Variants in MDGA2 observed in about 807,000 individuals in gnomAD.
MDGA2 encodes the protein MAM domain containing glycosylphosphatidylinositol anchor 2.
Under a neutral mutation model 117.8 loss-of-function variants are expected in MDGA2, and 40 were observed. The observed-to-expected ratio is 0.34, with a 90% CI of 0.26 to 0.44. MDGA2 has a LOEUF of 0.44. MDGA2 is among the 20% of genes least tolerant of loss of function. MDGA2 has a pLI of 1.00. For missense variants in MDGA2, 1,123 were observed against 1,250.6 expected (o/e 0.90, Z 1.54); for synonymous variants, 452 against 439.0 (o/e 1.03, Z -0.37).
At position 46,874,207 on chromosome 14, in the gene MDGA2, G is replaced by A; in HGVS notation, c.2438-7C>T. On this transcript the variant is annotated splice_polypyrimidine_tract_variant and splice_region_variant and intron_variant, in intron 12 of 16. Coordinates refer to ENST00000399232, the MANE Select transcript of MDGA2 (RefSeq NM_001113498.3). The stretch of plus-strand genomic sequence containing the variant: ...AATCCACAATGAAATTCTCCTGTTG[G>A]TAAATTTTAATTAAATTAATATTAA... 1.5e-6 allele frequency: 2 copies of A among 1,368,788 alleles called. No individual in the cohort carries two copies. The highest frequency in any genetic ancestry group is 1.5e-5 in the African/African-American group (1 of 66,136). 84.8% of individuals were successfully genotyped at this position (1,368,788 alleles called of 1,614,324 possible).
At chr14:46,900,124 C>T (rs4447336) in intron 10 of MDGA2, among the ~76,000 whole-genome samples, 148,200 of 152,232 alleles carry the variant, frequency 0.97, 72,255 homozygotes, top group East Asian at 1. Context: ...GAAATATCAT[C>T]GGGCATTAGA....
intron 1 of MDGA2, among the ~76,000 whole-genome samples, chr14:47,302,853 T>G (rs1347743980): frequency 6.6e-5 from 10 of 152,132 alleles, no homozygotes; most frequent in Admixed American, 5.9e-4. Context: ...TTTCTCAATT[T>G]CAGGCAGAAA....
intron 1 of MDGA2, among the ~76,000 whole-genome samples, chr14:47,542,461 G>A (rs1166929331): frequency 1.3e-5 from 2 of 152,104 alleles, no homozygotes; most frequent in Non-Finnish European, 2.9e-5. Context: ...GAAGCAATTC[G>A]ATGAATCGGT....
intron 1 of MDGA2, among the ~76,000 whole-genome samples, chr14:47,628,045 A>G (rs990981846): frequency 2.0e-5 from 3 of 152,180 alleles, no homozygotes; most frequent in Admixed American, 6.5e-5. Flanking sequence ...ACCACCTGCC[A>G]TAGTTTTGGG....
chr14:47,485,796 C>T (rs1405165418), intron 1 of MDGA2, among the ~76,000 whole-genome samples: 1 of 152,146 alleles, frequency 6.6e-6, no homozygotes, highest in African/African-American at 2.4e-5. Context: ...TTGGCAGCTC[C>T]CACTTAGTGT....
Position 46,953,702 on chromosome 14 carries a change from C to A in MDGA2, c.2089+3672G>T, listed in dbSNP as rs137905907. On this transcript the variant is annotated intron_variant, in intron 9 of 16. Transcript: ENST00000399232. ...TTCAGTAAAAACATAATGTCAGAAA[C>A]AAGTCTGTTAAAGTAAAGAAATATG... 3.4e-4 allele frequency among the ~76,000 whole-genome samples: 52 copies of A among 151,904 alleles called. No individual in the cohort carries two copies. In the East Asian group the frequency reaches 8.3e-3, roughly 24 times the overall value.
intron 1 of MDGA2, among the ~76,000 whole-genome samples, chr14:47,384,834 A>T (rs1427454787): frequency 1.3e-5 from 2 of 152,214 alleles, no homozygotes; most frequent in Non-Finnish European, 2.9e-5. Context: ...CCAGATGAAC[A>T]GAACACTGCA....
At chr14:47,181,751 T>C (rs890889055) in intron 3 of MDGA2, among the ~76,000 whole-genome samples, 1 of 152,202 alleles carries the variant, frequency 6.6e-6, no homozygotes, top group Non-Finnish European at 1.5e-5. Flanking sequence ...TGATTTCTAT[T>C]TTCATATTTT....
rs142708969 is a variant in MDGA2 at position 47,052,835 on chromosome 14, A to G, written c.1525+8414T>C. On this transcript the variant is annotated intron_variant, in intron 7 of 16. Coordinates refer to ENST00000399232, the MANE Select transcript of MDGA2 (RefSeq NM_001113498.3). ...GATGTTCTTCATACCAAAATACTCTATTTAAACTCTGATGACCTCTTATCT... is the reference window on the plus strand; with the variant it reads ...GATGTTCTTCATACCAAAATACTCTGTTTAAACTCTGATGACCTCTTATCT... Among the ~76,000 whole-genome samples, 569 of 151,858 alleles carry G rather than the reference A, an allele frequency of 3.7e-3. 6 individuals are homozygous for G. The highest frequency in any genetic ancestry group is 0.013 in the African/African-American group (543 of 41,512).
At chr14:47,455,228 G>A (rs917608683) in intron 1 of MDGA2, among the ~76,000 whole-genome samples, 4 of 152,124 alleles carry the variant, frequency 2.6e-5, no homozygotes, top group African/African-American at 7.2e-5. Context: ...CATTGCAGTC[G>A]GGTGCGGTGG....
At chr14:47,172,980 G>A (rs970302425) in intron 3 of MDGA2, among the ~76,000 whole-genome samples, 1 of 152,298 alleles carries the variant, frequency 6.6e-6, no homozygotes, top group African/African-American at 2.4e-5. Flanking sequence ...GAAAGCCAAG[G>A]CTCGAGAACT....
intron 1 of MDGA2, among the ~76,000 whole-genome samples, chr14:47,362,155 C>T (rs1891139939): frequency 6.6e-6 from 1 of 152,120 alleles, no homozygotes; most frequent in Admixed American, 6.5e-5. Context: ...TTCATTCTTT[C>T]TCACTCAAAT....
At chr14:46,972,598 C>T (rs960209777) in intron 8 of MDGA2, among the ~76,000 whole-genome samples, 8 of 151,906 alleles carry the variant, frequency 5.3e-5, no homozygotes, top group African/African-American at 1.9e-4. Flanking sequence ...TTCAAGCAAC[C>T]CACACATTCC....
intron 15 of MDGA2, among the ~76,000 whole-genome samples, chr14:46,850,701 T>C (rs1881023749): frequency 6.6e-6 from 1 of 151,948 alleles, no homozygotes; most frequent in African/African-American, 2.4e-5. Flanking sequence ...GTGGGTAGCC[T>C]TGGCTTTTTC....
At chr14:47,378,672 G>A (rs1047743532) in intron 1 of MDGA2, among the ~76,000 whole-genome samples, 5 of 152,028 alleles carry the variant, frequency 3.3e-5, no homozygotes, top group Admixed American at 1.3e-4. Flanking sequence ...AGAGAAAAAA[G>A]ACTAAAAAAA....
intron 2 of MDGA2, among the ~76,000 whole-genome samples, chr14:47,244,114 C>A (rs989176855): frequency 2.6e-5 from 4 of 151,702 alleles, no homozygotes; most frequent in Non-Finnish European, 5.9e-5. Context: ...GACAAACTTA[C>A]CTGTTTTGTT....
chr14:47,521,725 G>A (rs1386131119), intron 1 of MDGA2, among the ~76,000 whole-genome samples: 4 of 152,146 alleles, frequency 2.6e-5, no homozygotes, highest in Non-Finnish European at 4.4e-5. Context: ...AGGCTGGAGT[G>A]CAATGGCACG....
intron 1 of MDGA2, among the ~76,000 whole-genome samples, chr14:47,409,937 C>CA (rs1275947867): frequency 1.3e-5 from 2 of 152,022 alleles, no homozygotes; most frequent in African/African-American, 4.8e-5. Context: ...GAGTAAAGTG[C>CA]AAAAAACTTT....
At chr14:46,845,355 C>G (rs3007129) in intron 16 of MDGA2, among the ~76,000 whole-genome samples, 106,339 of 152,084 alleles carry the variant, frequency 0.7, 38,983 homozygotes, top group East Asian at 1. Flanking sequence ...TTATAAATTA[C>G]CCAGTGTTGG....
Sources: allele counts gnomAD v4.1 joint callset (sites outside exome capture counted in the v4.1 genomes callset), GRCh38; gene constraint gnomAD v4.1.1; transcripts MANE v1.5; gene names NCBI Gene and HGNC (gene_info 2026-07-23, HGNC 2026-07-21).